Variants in ZNF704 observed in about 807,000 individuals in gnomAD.
The protein encoded by ZNF704 is zinc finger protein 704, also known as glucocorticoid induced gene 1.
In ZNF704, 10 loss-of-function variants were observed where a neutral mutation model predicts 44.7. That is an observed-to-expected ratio of 0.22 (90% CI 0.14 to 0.38). The LOEUF is 0.38. Among genes scored for constraint, ZNF704 ranks in the 10% least tolerant of loss-of-function variants. The pLI is 1.00. For synonymous variants in ZNF704, 211 were observed against 207.6 expected, an observed-to-expected ratio of 1.02 and a Z score of -0.14; for missense variants, 390 against 545.5, an observed-to-expected ratio of 0.71 and a Z score of 2.84.
intron 2 of ZNF704, among the ~76,000 whole-genome samples, chr8:80,786,240 G>T (rs544674541): frequency 6.6e-6 from 1 of 152,250 alleles, no homozygotes; most frequent in South Asian, 2.1e-4. Flanking sequence ...TCCTCCCTGG[G>T]TAATAAAGCA....
intron 2 of ZNF704, among the ~76,000 whole-genome samples, chr8:80,726,754 T>C (rs1158194325): frequency 6.6e-6 from 1 of 152,062 alleles, no homozygotes; most frequent in East Asian, 1.9e-4. Flanking sequence ...GCCTTTTTCA[T>C]GAGAGAATAA....
rs1334150956 is a variant in ZNF704, at chr8:80,632,568, G to A, written c.*8798C>T. The A allele has an allele frequency of 6.6e-6, 1 of 152,212 alleles. No individual in the cohort carries two copies. The highest frequency in any genetic ancestry group is 1.5e-5 in the Non-Finnish European group (1 of 68,048). The allele number at this position is 152,212 out of a possible 1,614,324, so 9.4% of individuals were successfully genotyped here. A position where few individuals can be genotyped will look rare whatever the true frequency, so the allele number is the denominator to read the frequency against. ...TAATGTAATAGTTAATTAGACTTGA[G>A]AATTGATTTTTAGTATTTTCATGAT... On this transcript the variant is annotated 3_prime_UTR_variant, in exon 9 of 9. Transcript: ENST00000327835.
At chr8:80,658,284 G>A (rs968306240) in intron 7 of ZNF704, among the ~76,000 whole-genome samples, 3 of 151,856 alleles carry the variant, frequency 2.0e-5, no homozygotes, top group African/African-American at 4.8e-5. Flanking sequence ...AGAAAAGATG[G>A]TCTCAATAAT....
intron 2 of ZNF704, chr8:80,812,402 G>T: frequency 6.2e-6 from 1 of 161,334 alleles, no homozygotes; most frequent in South Asian, 1.8e-4. Flanking sequence ...GTTCTACTTT[G>T]ATTTTAGGGT....
intron 1 of ZNF704, among the ~76,000 whole-genome samples, chr8:80,857,076 A>G (rs1808975643): frequency 6.6e-6 from 1 of 152,098 alleles, no homozygotes; most frequent in African/African-American, 2.4e-5. Context: ...CATTAATTTT[A>G]TCCCTGTTTA....
chr8:80,849,614 C>G (rs1808824204), intron 1 of ZNF704, among the ~76,000 whole-genome samples: 1 of 152,182 alleles, frequency 6.6e-6, no homozygotes, highest in Non-Finnish European at 1.5e-5. Context: ...CAACCAAACA[C>G]TGTAAAAGGA....
At chr8:80,714,273 G>C (rs1819037623) in intron 2 of ZNF704, among the ~76,000 whole-genome samples, 1 of 152,166 alleles carries the variant, frequency 6.6e-6, no homozygotes, top group Admixed American at 6.5e-5. Flanking sequence ...TATCCCTAGA[G>C]CTGAACACAA....
chr8:80,861,991 CTTTTTTTTTTTTT>C lies in ZNF704; in HGVS notation c.-22+12567_-22+12579del, dbSNP rs71266093. ...GTTGAACAAGATAGAAAAAAATAACCTTTTTTTTTTTTTTTTTTTTTTTTTTTTTGAGATAGAG... is the reference window on the plus strand; with the variant it reads ...GTTGAACAAGATAGAAAAAAATAACCTTTTTTTTTTTTTTTTGAGATAGAG... On this transcript the variant is annotated intron_variant, in intron 1 of 8. Coordinates refer to ENST00000327835, the MANE Select transcript of ZNF704 (RefSeq NM_001033723.3). 7.6e-3 allele frequency among the ~76,000 whole-genome samples: 708 copies of C among 93,020 alleles called. 12 individuals are homozygous for C. Among genetic ancestry groups the C allele is most frequent in the African/African-American group, 0.036 (673 of 18,584 alleles). The allele number at this position is 93,020 out of a possible 152,430, so 61.0% of individuals were successfully genotyped here.
chr8:80,654,980 G>A (rs2131600590), intron 7 of ZNF704, among the ~76,000 whole-genome samples: 1 of 152,286 alleles, frequency 6.6e-6, no homozygotes, highest in African/African-American at 2.4e-5. Context: ...AGAAAATGTG[G>A]CACATATACA....
intron 4 of ZNF704, among the ~76,000 whole-genome samples, chr8:80,672,882 C>T (rs538060932): frequency 6.6e-5 from 10 of 151,692 alleles, no homozygotes; most frequent in Admixed American, 1.3e-4. Flanking sequence ...ACCCATGTAA[C>T]GAACCTGCAT....
At chr8:80,864,946 T>C (rs914043032) in intron 1 of ZNF704, among the ~76,000 whole-genome samples, 4 of 152,156 alleles carry the variant, frequency 2.6e-5, no homozygotes, top group Non-Finnish European at 4.4e-5. Flanking sequence ...ACATAAGAGA[T>C]AGGATGTCTC....
rs537482102 is a variant in ZNF704, at chr8:80,701,373, G to C, written c.222-8266C>G. 1.1e-3 allele frequency among the ~76,000 whole-genome samples: 168 copies of C among 151,758 alleles called. 1 individual carries two copies. The highest frequency in any genetic ancestry group is 3.9e-3 in the African/African-American group (161 of 41,330). On this transcript the variant is annotated intron_variant, in intron 2 of 8. Transcript: ENST00000327835. ...GCTCCTGCCAACCCAAGCAGCAGACGCCCTTTCCTCCTAGATTATAGAGAG... is the reference window on the plus strand; with the variant it reads ...GCTCCTGCCAACCCAAGCAGCAGACCCCCTTTCCTCCTAGATTATAGAGAG...
intron 2 of ZNF704, among the ~76,000 whole-genome samples, chr8:80,718,946 AC>A (rs1819118074): frequency 6.6e-6 from 1 of 151,432 alleles, no homozygotes. Flanking sequence ...CATTTCTTGC[AC>A]AGAGTGAGCA....
chr8:80,879,555 G>A (rs1809399471), upstream of ZNF704, among the ~76,000 whole-genome samples: 1 of 152,152 alleles, frequency 6.6e-6, no homozygotes, highest in Non-Finnish European at 1.5e-5. Context: ...TCTAGGTGCT[G>A]TCTGTATCTT....
At chr8:80,791,574 G>A (rs1462160819) in intron 2 of ZNF704, among the ~76,000 whole-genome samples, 1 of 152,164 alleles carries the variant, frequency 6.6e-6, no homozygotes, top group East Asian at 1.9e-4. Context: ...ATTTGTTGGA[G>A]AACATGACTC....
chr8:80,857,082 G>A (rs535842971), intron 1 of ZNF704, among the ~76,000 whole-genome samples: 1 of 151,998 alleles, frequency 6.6e-6, no homozygotes, highest in African/African-American at 2.4e-5. Flanking sequence ...TTTTATCCCT[G>A]TTTAGTTTTT....
intron 1 of ZNF704, among the ~76,000 whole-genome samples, chr8:80,844,948 G>A (rs1487874956): frequency 6.6e-6 from 1 of 151,758 alleles, no homozygotes; most frequent in Non-Finnish European, 1.5e-5. Context: ...CCAAAGTGCT[G>A]GTATTACAGG....
At chr8:80,757,213 A>G (rs560960492) in intron 2 of ZNF704, among the ~76,000 whole-genome samples, 36 of 152,318 alleles carry the variant, frequency 2.4e-4, no homozygotes, top group African/African-American at 8.7e-4. Context: ...ATTGCCCCTG[A>G]ACACCTTCCA....
intron 2 of ZNF704, among the ~76,000 whole-genome samples, chr8:80,742,036 T>C (rs917735582): frequency 2.6e-5 from 4 of 152,180 alleles, no homozygotes; most frequent in African/African-American, 9.7e-5. Flanking sequence ...AAAGGGAATT[T>C]CTAACTTCCG....
Sources: gnomAD v4.1 joint callset for allele counts (sites outside exome capture counted in the v4.1 genomes callset) on GRCh38, gnomAD v4.1.1 for gene constraint, MANE v1.5 for transcripts, NCBI Gene and HGNC (gene_info 2026-07-23, HGNC 2026-07-21) for gene names.